The following SUPT20HL2 variants were observed in gnomAD, a reference collection of about 807,000 sequenced individuals.
The protein encoded by SUPT20HL2 is transcription factor SPT20 homolog-like 2.
For missense variants in SUPT20HL2, 288 were observed against 127.4 expected, an observed-to-expected ratio of 2.26 and a Z score of -6.07; for synonymous variants, 125 against 51.6, an observed-to-expected ratio of 2.42 and a Z score of -6.10.
In SUPT20HL2 at chrX:24,312,251, C is replaced by T. The variant is rs372187741; in HGVS notation, c.1065G>A (p.Met355Ile). 8 of 384,658 alleles carry T rather than the reference C, an allele frequency of 2.1e-5. No individual in the cohort carries two copies. Among genetic ancestry groups the T allele is most frequent in the Non-Finnish European group, 3.6e-5 (7 of 192,165 alleles). The allele number at this position is 384,658 out of a possible 1,213,427, so 31.7% of individuals were successfully genotyped here. ...CQAWDTKPNI[M>I]QSFNDPLLCG... ...AGAGAAGCGGATCATTAAACGACTG[C>T]ATGATGTTTGGCTTGGTGTCCCAGG... Residue 355 changes from methionine (M) to isoleucine (I), a missense_variant, in exon 1 of 1, where the codon ATG becomes ATA. Coordinates refer to ENST00000486479, the MANE Select transcript of SUPT20HL2 (RefSeq NM_001136233.3).
In SUPT20HL2 at chrX:24,308,466, C is replaced by T. The variant is rs1159213354; in HGVS notation, c.*2396G>A. 8.9e-6 allele frequency among the ~76,000 whole-genome samples: 1 copy of T among 111,848 alleles called. No homozygotes were observed. The highest frequency in any genetic ancestry group is 3.3e-5 in the African/African-American group (1 of 30,452). ...TGCAGGCACCATTCCCAATTATGTCCAGGCTGCTCTGATGGACTTGGTGTC... is the reference window on the plus strand; with the variant it reads ...TGCAGGCACCATTCCCAATTATGTCTAGGCTGCTCTGATGGACTTGGTGTC... On this transcript the variant is annotated 3_prime_UTR_variant, in exon 1 of 1. Transcript: ENST00000486479.
At position 24,313,858 on chromosome X, in the gene SUPT20HL2, C is replaced by T; in HGVS notation, c.-543G>A. ...CTGAAAACATCGGTACCTGAGGGGT[C>T]GTCGTCGTGGTCGGACTTCGCGTCT... On this transcript the variant is annotated 5_prime_UTR_variant, in exon 1 of 1. Transcript: ENST00000486479. 2.8e-6 allele frequency: 1 copy of T among 357,611 alleles called. No homozygotes were observed. Among genetic ancestry groups the T allele is most frequent in the Non-Finnish European group, 5.3e-6 (1 of 187,266 alleles). The allele number at this position is 357,611 out of a possible 1,213,427, so 29.5% of individuals were successfully genotyped here. A position where few individuals can be genotyped will look rare whatever the true frequency, so the allele number is the denominator to read the frequency against.
At position 24,310,142 on chromosome X, in the gene SUPT20HL2, C is replaced by A; in HGVS notation, c.*720G>T. On this transcript the variant is annotated 3_prime_UTR_variant, in exon 1 of 1. Coordinates refer to ENST00000486479, the MANE Select transcript of SUPT20HL2 (RefSeq NM_001136233.3). Reference sequence around the variant, plus strand: ...GCAATGACCTTCACATCACATGAGACAGCAGGGATAAATCATGAGGACATT... The same window carrying A: ...GCAATGACCTTCACATCACATGAGAAAGCAGGGATAAATCATGAGGACATT... Among the ~76,000 whole-genome samples, 1 of 111,771 alleles carries A rather than the reference C, an allele frequency of 8.9e-6. No homozygotes were observed. The highest frequency in any genetic ancestry group is 4.6e-3 in the Middle Eastern group (1 of 216).
chrX:24,309,746 GAAAAAAAAAAAA>G lies in SUPT20HL2; in HGVS notation c.*1104_*1115del. On this transcript the variant is annotated 3_prime_UTR_variant, in exon 1 of 1. Transcript: ENST00000486479. ...AAAATAATAAAAATAAAAAAAAAAA[GAAAAAAAAAAAA>G]AAAAAAAAAAACATCCAAAAAGAGC... 9.2e-5 allele frequency among the ~76,000 whole-genome samples: 2 copies of G among 21,786 alleles called. No homozygotes were observed. The highest frequency in any genetic ancestry group is 2.1e-3 in the East Asian group (1 of 485). The allele number at this position is 21,786 out of a possible 115,157, so 18.9% of individuals were successfully genotyped here. A position where few individuals can be genotyped will look rare whatever the true frequency, so the allele number is the denominator to read the frequency against.
chrX:24,311,986 G>C lies in SUPT20HL2; in HGVS notation c.1330C>G (p.Pro444Ala), dbSNP rs200039332. The C allele has an allele frequency of 2.8e-4, 104 of 378,108 alleles. 2 individuals carry two copies. The highest frequency in any genetic ancestry group is 2.5e-3 in the African/African-American group (92 of 37,315). 31.2% of individuals were successfully genotyped at this position (378,108 alleles called of 1,213,427 possible). A position where few individuals can be genotyped will look rare whatever the true frequency, so the allele number is the denominator to read the frequency against. The change falls in exon 1 of 1, where the codon CCT becomes GCT. Residue 444 changes from proline (P) to alanine (A), a missense_variant. Pro to Ala is a conservative substitution (Grantham distance 27). Transcript: ENST00000486479. ...GAAGACTGGACCCACACAGGATCAG[G>C]CTGTTCTGGTGTTTTCCATGAAGAG... ...QLSSWKTPEQPDPVWVQSSVS... is the reference protein window; with the variant it reads ...QLSSWKTPEQADPVWVQSSVS...
rs745652670 is a variant in SUPT20HL2 at position 24,311,789 on chromosome X, A to T, written c.1527T>A (p.Pro509=). The T allele has an allele frequency of 6.0e-5, 20 of 334,101 alleles. No individual in the cohort carries two copies. In the East Asian group the frequency reaches 7.4e-4, roughly 12 times the overall value. The allele number at this position is 334,101 out of a possible 1,213,427, so 27.5% of individuals were successfully genotyped here. Residue 509 remains proline (P), a synonymous_variant, in exon 1 of 1, where the codon CCT becomes CCA. Coordinates refer to ENST00000486479, the MANE Select transcript of SUPT20HL2 (RefSeq NM_001136233.3). ...CTAAAGCAGGAGCAGCAGCAGGAGC[A>T]GGAGCAGGAGCAGGAGCAGCAGCAG... The part of the protein sequence containing the change: ...AVAAAAPAPA[P]APAAAPALAA...
In SUPT20HL2 at chrX:24,313,784, C is replaced by T. The variant is rs775600674; in HGVS notation, c.-469G>A. On this transcript the variant is annotated 5_prime_UTR_variant, in exon 1 of 1. Coordinates refer to ENST00000486479, the MANE Select transcript of SUPT20HL2 (RefSeq NM_001136233.3). Reference sequence around the variant, plus strand: ...GCTTCTAGGCGCGTCTGGGCACCTGCCCAGAAACCTGCCCCCAGGGAAGCG... The same window carrying T: ...GCTTCTAGGCGCGTCTGGGCACCTGTCCAGAAACCTGCCCCCAGGGAAGCG... The T allele has an allele frequency of 2.4e-4, 81 of 332,060 alleles. 1 individual carries two copies. The highest frequency in any genetic ancestry group is 2.2e-3 in the African/African-American group (77 of 34,809). 27.4% of individuals were successfully genotyped at this position (332,060 alleles called of 1,213,427 possible). A position where few individuals can be genotyped will look rare whatever the true frequency, so the allele number is the denominator to read the frequency against.
rs1260373521 is a variant in SUPT20HL2 at position 24,311,948 on chromosome X, C to T, written c.1368G>A (p.Lys456=). The change falls in exon 1 of 1, where the codon AAG becomes AAA. Residue 456 remains lysine, a synonymous_variant. Transcript: ENST00000486479. ...TGCGGGGAGGTGGATGTTTCTCTCC[C>T]TTCCCGGATACTGAAGACTGGACCC... is the stretch of plus-strand genomic sequence containing the variant. The part of the protein sequence containing the change: ...PVWVQSSVSG[K]GEKHPPPRTQ... The T allele has an allele frequency of 2.6e-6, 1 of 382,651 alleles. No homozygotes were observed. Among genetic ancestry groups the T allele is most frequent in the Non-Finnish European group, 5.2e-6 (1 of 190,709 alleles). 31.5% of individuals were successfully genotyped at this position (382,651 alleles called of 1,213,427 possible). A position where few individuals can be genotyped will look rare whatever the true frequency, so the allele number is the denominator to read the frequency against.
Position 24,311,788 on chromosome X carries a change from CAGG to C in SUPT20HL2, c.1525_1527del (p.Pro509del), listed in dbSNP as rs1202600056. On this transcript the variant is annotated inframe_deletion, in exon 1 of 1. Coordinates refer to ENST00000486479, the MANE Select transcript of SUPT20HL2 (RefSeq NM_001136233.3). ...GCTAAAGCAGGAGCAGCAGCAGGAG[CAGG>C]AGCAGGAGCAGGAGCAGCAGCAGCT... 1 of 334,637 alleles carries C rather than the reference CAGG, an allele frequency of 3.0e-6. No homozygotes were observed. Among genetic ancestry groups the C allele is most frequent in the Admixed American group, 3.5e-5 (1 of 28,826 alleles). 27.6% of individuals were successfully genotyped at this position (334,637 alleles called of 1,213,427 possible).
chrX:24,313,962 C>T lies in SUPT20HL2; in HGVS notation c.-647G>A, dbSNP rs1161112393. On this transcript the variant is annotated 5_prime_UTR_variant, in exon 1 of 1. Transcript: ENST00000486479. ...TCTGGGCACCTGCCCAGAAACCTGC[C>T]CCCAGGGAAGCGCTACCCAATCTGT... 3 of 361,410 alleles carry T rather than the reference C, an allele frequency of 8.3e-6. No individual in the cohort carries two copies. Among genetic ancestry groups the T allele is most frequent in the African/African-American group, 7.8e-5 (3 of 38,265 alleles). The allele number at this position is 361,410 out of a possible 1,213,427, so 29.8% of individuals were successfully genotyped here.
At position 24,311,647 on chromosome X, in the gene SUPT20HL2, A is replaced by G. The variant is rs773114485; in HGVS notation, c.1669T>C (p.Phe557Leu). ...RRPAAGRPTR[F>L]VKIAPAIQVR... ...TGAATGGCTGGGGCTATTTTTACGA[A>G]TCTGGTGGGGCGCCCGGCAGCTGGA... The change falls in exon 1 of 1, where the codon TTC becomes CTC. Residue 557 changes from phenylalanine (F) to leucine (L), a missense_variant. Transcript: ENST00000486479. The G allele has an allele frequency of 3.9e-5, 15 of 383,989 alleles. No individual in the cohort carries two copies. Among genetic ancestry groups the G allele is most frequent in the Non-Finnish European group, 6.8e-5 (13 of 191,268 alleles). The allele number at this position is 383,989 out of a possible 1,213,427, so 31.6% of individuals were successfully genotyped here. A position where few individuals can be genotyped will look rare whatever the true frequency, so the allele number is the denominator to read the frequency against.
At position 24,311,690 on chromosome X, in the gene SUPT20HL2, A is replaced by C. The variant is rs889508437; in HGVS notation, c.1626T>G (p.Ile542Met). ...SHSQKPSVPLIKASRRRPAAG... is the reference protein window; with the variant it reads ...SHSQKPSVPLMKASRRRPAAG... ...CAGCTGGACGGCGCCTGCTAGCTTT[A>C]ATAAGAGGCACAGAGGGCTTCTGAG... The change falls in exon 1 of 1, where the codon ATT becomes ATG. Residue 542 changes from isoleucine to methionine, a missense_variant. Coordinates refer to ENST00000486479, the MANE Select transcript of SUPT20HL2 (RefSeq NM_001136233.3). The C allele has an allele frequency of 2.6e-6, 1 of 379,431 alleles. No homozygotes were observed. The highest frequency in any genetic ancestry group is 2.5e-5 in the African/African-American group (1 of 39,233). 31.3% of individuals were successfully genotyped at this position (379,431 alleles called of 1,213,427 possible).
rs1186740171 is a variant in SUPT20HL2 at position 24,310,411 on chromosome X, T to C, written c.*451A>G. On this transcript the variant is annotated 3_prime_UTR_variant, in exon 1 of 1. Coordinates refer to ENST00000486479, the MANE Select transcript of SUPT20HL2 (RefSeq NM_001136233.3). ...CTATTGCACTGGGCACTTAAAATAG[T>C]GAAGGTGGTCCATTTTAGATTATAT... is the stretch of plus-strand genomic sequence containing the variant. Among the ~76,000 whole-genome samples, 2 of 112,131 alleles carry C rather than the reference T, an allele frequency of 1.8e-5. No individual in the cohort carries two copies. Among genetic ancestry groups the C allele is most frequent in the Non-Finnish European group, 3.8e-5 (2 of 53,239 alleles).
In SUPT20HL2 at chrX:24,309,725, T is replaced by TAAAAAAAAAAAAAAAAAAAAAAAAA. The variant is rs1569195686; in HGVS notation, c.*1136_*1137insTTTTTTTTTTTTTTTTTTTTTTTTT. 1.2e-4 allele frequency among the ~76,000 whole-genome samples: 2 copies of TAAAAAAAAAAAAAAAAAAAAAAAAA among 16,885 alleles called. No individual in the cohort carries two copies. Among genetic ancestry groups the TAAAAAAAAAAAAAAAAAAAAAAAAA allele is most frequent in the African/African-American group, 3.0e-4 (1 of 3,280 alleles). 14.7% of individuals were successfully genotyped at this position (16,885 alleles called of 115,157 possible). Reference sequence around the variant, plus strand: ...AAAATTAAAAAAAAAAAGAAAAAAATAATAAAAATAAAAAAAAAAAGAAAA... The same window carrying TAAAAAAAAAAAAAAAAAAAAAAAAA: ...AAAATTAAAAAAAAAAAGAAAAAAATAAAAAAAAAAAAAAAAAAAAAAAAAAATAAAAATAAAAAAAAAAAGAAAA... On this transcript the variant is annotated 3_prime_UTR_variant, in exon 1 of 1. Transcript: ENST00000486479.
At position 24,308,574 on chromosome X, in the gene SUPT20HL2, G is replaced by A. The variant is rs1343435441; in HGVS notation, c.*2288C>T. On this transcript the variant is annotated 3_prime_UTR_variant, in exon 1 of 1. Transcript: ENST00000486479. ...GCACATTAGTAAAAGGGTTCATCAA[G>A]TAAGATTCACTGGATACCTGTCTCT... Among the ~76,000 whole-genome samples the A allele has an allele frequency of 8.9e-6, 1 of 112,436 alleles. No individual in the cohort carries two copies. The highest frequency in any genetic ancestry group is 3.2e-5 in the African/African-American group (1 of 30,949).
In SUPT20HL2 at chrX:24,308,544, C is replaced by T. The variant is rs144330304; in HGVS notation, c.*2318G>A. Among the ~76,000 whole-genome samples the T allele has an allele frequency of 9.3e-3, 1,044 of 112,300 alleles. 3 individuals are homozygous for T. The highest frequency in any genetic ancestry group is 0.018 in the Middle Eastern group (4 of 219). On this transcript the variant is annotated 3_prime_UTR_variant, in exon 1 of 1. Transcript: ENST00000486479. The stretch of plus-strand genomic sequence containing the variant: ...AAGTTGGTCAAATCTTTAACAGCAT[C>T]GGTAGCACATTAGTAAAAGGGTTCA...
Position 24,312,208 on chromosome X carries a change from G to A in SUPT20HL2, c.1108C>T (p.Arg370Cys), listed in dbSNP as rs1447804136. 2.6e-6 allele frequency: 1 copy of A among 385,725 alleles called. No homozygotes were observed. Among genetic ancestry groups the A allele is most frequent in the East Asian group, 7.5e-5 (1 of 13,368 alleles). 31.8% of individuals were successfully genotyped at this position (385,725 alleles called of 1,213,427 possible). The change falls in exon 1 of 1, where the codon CGT becomes TGT. Residue 370 changes from arginine to cysteine, a missense_variant. Arg to Cys is a radical substitution (Grantham distance 180). Transcript: ENST00000486479. ...TGGCTCTTCTGCCTGGCTTTTTTAC[G>A]TGGCCGTATTTTACCACAGAGAAGC... ...DPLLCGKIRPRKKARQKSQKS... is the reference protein window; with the variant it reads ...DPLLCGKIRPCKKARQKSQKS...
At position 24,310,607 on chromosome X, in the gene SUPT20HL2, T is replaced by G. The variant is rs1376056689; in HGVS notation, c.*255A>C. Among the ~76,000 whole-genome samples the G allele has an allele frequency of 8.9e-6, 1 of 112,278 alleles. No homozygotes were observed. Among genetic ancestry groups the G allele is most frequent in the Non-Finnish European group, 1.9e-5 (1 of 53,281 alleles). On this transcript the variant is annotated 3_prime_UTR_variant, in exon 1 of 1. Coordinates refer to ENST00000486479, the MANE Select transcript of SUPT20HL2 (RefSeq NM_001136233.3). Reference sequence around the variant, plus strand: ...CAACCTGGTTAGGATTTGGACACTTTAAAATACTATATTAAAAACAATTAT... The same window carrying G: ...CAACCTGGTTAGGATTTGGACACTTGAAAATACTATATTAAAAACAATTAT...
chrX:24,311,382 C>T lies in SUPT20HL2; in HGVS notation c.1934G>A (p.Gly645Asp), dbSNP rs1321708101. 1 of 386,130 alleles carries T rather than the reference C, an allele frequency of 2.6e-6. No individual in the cohort carries two copies. Among genetic ancestry groups the T allele is most frequent in the Non-Finnish European group, 5.2e-6 (1 of 192,436 alleles). 31.8% of individuals were successfully genotyped at this position (386,130 alleles called of 1,213,427 possible). A position where few individuals can be genotyped will look rare whatever the true frequency, so the allele number is the denominator to read the frequency against. Residue 645 changes from glycine (G) to aspartate (D), a missense_variant, in exon 1 of 1, where the codon GGT becomes GAT. By Grantham distance (94) the Gly-to-Asp change is moderately conservative. Transcript: ENST00000486479. ...PLQFFLNTPE[G>D]LRPLTLQVPQ... Reference sequence around the variant, plus strand: ...AACCTGGAGTGTCAGAGGCCTGAGACCTTCCGGAGTATTTAGGAAAAACTG... The same window carrying T: ...AACCTGGAGTGTCAGAGGCCTGAGATCTTCCGGAGTATTTAGGAAAAACTG...
Sources: gnomAD v4.1 joint callset for allele counts (sites outside exome capture counted in the v4.1 genomes callset) on GRCh38, gnomAD v4.1.1 for gene constraint, MANE v1.5 for transcripts, NCBI Gene and HGNC (gene_info 2026-07-23, HGNC 2026-07-21) for gene names.